The following CNTNAP2 variants were observed in gnomAD, a reference collection of about 807,000 sequenced individuals.
CNTNAP2 encodes contactin associated protein 2.
CNTNAP2 carries 98 observed loss-of-function variants against 155.2 expected under a neutral mutation model. The observed-to-expected ratio is 0.63, with a 90% CI of 0.54 to 0.75. CNTNAP2 has a LOEUF of 0.75. CNTNAP2 is among the 30% of genes least tolerant of loss of function. The pLI is 0.00. For synonymous variants in CNTNAP2, 651 were observed against 631.2 expected (o/e 1.03, Z -0.47); for missense variants, 1,727 against 1,688.1 (o/e 1.02, Z -0.40).
intron 9 of CNTNAP2, among the ~76,000 whole-genome samples, chr7:147,300,740 C>G (rs538866947): frequency 6.6e-6 from 1 of 152,232 alleles, no homozygotes; most frequent in South Asian, 2.1e-4. Context: ...TTACTTGTGG[C>G]TGCATCATTG....
intron 10 of CNTNAP2, among the ~76,000 whole-genome samples, chr7:147,413,974 C>T (rs970587118): frequency 6.6e-6 from 1 of 152,190 alleles, no homozygotes; most frequent in Non-Finnish European, 1.5e-5. Flanking sequence ...TAGTCTGGCA[C>T]AGTGCTTGCA....
intron 1 of CNTNAP2, among the ~76,000 whole-genome samples, chr7:146,461,207 T>A (rs1007669100): frequency 6.6e-6 from 1 of 151,780 alleles, no homozygotes; most frequent in African/African-American, 2.4e-5. Context: ...ATGGAAACCA[T>A]CCTGGTAACA....
intron 12 of CNTNAP2, among the ~76,000 whole-genome samples, chr7:147,572,143 G>A (rs779590060): frequency 1.3e-5 from 2 of 152,150 alleles, no homozygotes; most frequent in Non-Finnish European, 2.9e-5. Context: ...ACTCTTCTCC[G>A]TAACGGATTA....
intron 1 of CNTNAP2, among the ~76,000 whole-genome samples, chr7:146,266,769 C>T (rs541120081): frequency 6.6e-6 from 1 of 152,072 alleles, no homozygotes; most frequent in South Asian, 2.1e-4. Flanking sequence ...CTTTAAATTG[C>T]ACATGTGACA....
intron 1 of CNTNAP2, among the ~76,000 whole-genome samples, chr7:146,327,453 T>C (rs1184828094): frequency 6.6e-6 from 1 of 152,220 alleles, no homozygotes; most frequent in African/African-American, 2.4e-5. Context: ...ACAAATTCTC[T>C]TCTGTTCATT....
At chr7:146,200,023 T>G (rs543617113) in intron 1 of CNTNAP2, among the ~76,000 whole-genome samples, 1 of 152,292 alleles carries the variant, frequency 6.6e-6, no homozygotes, top group African/African-American at 2.4e-5. Flanking sequence ...ATATCTCAAT[T>G]TATGAGTGAC....
At chr7:148,335,517 A>G (rs147796155) in intron 21 of CNTNAP2, among the ~76,000 whole-genome samples, 186 of 152,328 alleles carry the variant, frequency 1.2e-3, no homozygotes, top group Admixed American at 3.3e-3. Context: ...AGAGACTCCC[A>G]GACACTAGGC....
chr7:147,347,822 TTA>T (rs1795903584), intron 9 of CNTNAP2, among the ~76,000 whole-genome samples: 1 of 152,052 alleles, frequency 6.6e-6, no homozygotes, highest in Non-Finnish European at 1.5e-5. Flanking sequence ...AATACTGGCC[TTA>T]AAACAGATAC....
At chr7:146,432,051 C>T (rs1438293621) in intron 1 of CNTNAP2, among the ~76,000 whole-genome samples, 3 of 151,998 alleles carry the variant, frequency 2.0e-5, no homozygotes, top group African/African-American at 4.8e-5. Flanking sequence ...AACAAGAAAT[C>T]CTGTCCAATG....
chr7:146,683,759 C>T (rs1313248475), intron 1 of CNTNAP2, among the ~76,000 whole-genome samples: 1 of 152,134 alleles, frequency 6.6e-6, no homozygotes, highest in Non-Finnish European at 1.5e-5. Flanking sequence ...TTAAGCCTAT[C>T]ACATGTGGCA....
At chr7:147,008,362 C>T (rs371972277) in intron 3 of CNTNAP2, among the ~76,000 whole-genome samples, 12 of 152,082 alleles carry the variant, frequency 7.9e-5, no homozygotes, top group African/African-American at 2.2e-4. Flanking sequence ...AAGAAGAGGT[C>T]GCTTACTATG....
chr7:147,586,178 C>T (rs6464829), intron 12 of CNTNAP2, among the ~76,000 whole-genome samples: 104,879 of 151,884 alleles, frequency 0.69, 36,787 homozygotes, highest in African/African-American at 0.81. Flanking sequence ...GTCTGGGTTA[C>T]GTTAAGGGGT....
intron 14 of CNTNAP2, among the ~76,000 whole-genome samples, chr7:147,920,216 C>G (rs933696442): frequency 6.6e-6 from 1 of 151,846 alleles, no homozygotes; most frequent in South Asian, 2.1e-4. Flanking sequence ...ATTAGCTGGG[C>G]GTGGTGGCAC....
intron 13 of CNTNAP2, among the ~76,000 whole-genome samples, chr7:147,878,247 C>T (rs558891915): frequency 1.3e-5 from 2 of 151,770 alleles, no homozygotes; most frequent in African/African-American, 4.8e-5. Flanking sequence ...AACAGCTGAA[C>T]ACCTAGTAAT....
chr7:146,873,965 T>C (rs912409619), intron 3 of CNTNAP2, among the ~76,000 whole-genome samples: 18 of 152,262 alleles, frequency 1.2e-4, no homozygotes, highest in Non-Finnish European at 2.4e-4. Context: ...CAAGAGTTCA[T>C]GATTTGTAGG....
intron 2 of CNTNAP2, among the ~76,000 whole-genome samples, chr7:146,784,769 C>T (rs1386772402): frequency 6.6e-6 from 1 of 152,088 alleles, no homozygotes; most frequent in African/African-American, 2.4e-5. Context: ...TCTTACTGGG[C>T]TCTTACAGAT....
chr7:146,565,833 G>T (rs186419743), intron 1 of CNTNAP2, among the ~76,000 whole-genome samples: 2 of 152,366 alleles, frequency 1.3e-5, no homozygotes, highest in Non-Finnish European at 2.9e-5. Flanking sequence ...AAATAAAACT[G>T]CAAGCTTTAA....
chr7:148,309,088 A>G (rs2116513953), intron 21 of CNTNAP2, among the ~76,000 whole-genome samples: 1 of 152,310 alleles, frequency 6.6e-6, no homozygotes, highest in Middle Eastern at 3.4e-3. Flanking sequence ...TTGGGTATAT[A>G]GCCAGTAATG....
intron 21 of CNTNAP2, among the ~76,000 whole-genome samples, chr7:148,374,599 C>CA (rs1255004751): frequency 2.0e-5 from 3 of 151,836 alleles, no homozygotes; most frequent in Admixed American, 1.3e-4. Flanking sequence ...TCTCCAAAGC[C>CA]AAAAAAACAT....
Sources: gnomAD v4.1 joint callset for allele counts (sites outside exome capture counted in the v4.1 genomes callset) on GRCh38, gnomAD v4.1.1 for gene constraint, MANE v1.5 for transcripts, NCBI Gene and HGNC (gene_info 2026-07-23, HGNC 2026-07-21) for gene names.